Variants in RANBP3L observed in about 807,000 individuals in gnomAD.
RANBP3L encodes the protein ran-binding protein 3-like.
RANBP3L carries 56 observed loss-of-function variants against 67.2 expected under a neutral mutation model. That is an observed-to-expected ratio of 0.83 (90% CI 0.67 to 1.04). RANBP3L has a LOEUF of 1.04. Among genes scored for constraint, RANBP3L ranks in the 50% least tolerant of loss-of-function variants. The pLI is 0.00. For missense variants in RANBP3L, 496 were observed against 535.5 expected (o/e 0.93, Z 0.73); for synonymous variants, 164 against 181.4 (o/e 0.90, Z 0.77).
At position 36,247,099 on chromosome 5, in the gene RANBP3L, A is replaced by T. The variant is rs1217594422; in HGVS notation, c.*2555T>A. Among the ~76,000 whole-genome samples the T allele has an allele frequency of 1.3e-5, 2 of 152,218 alleles. No individual in the cohort carries two copies. The highest frequency in any genetic ancestry group is 4.8e-5 in the African/African-American group (2 of 41,458). On this transcript the variant is annotated 3_prime_UTR_variant, in exon 14 of 14. Coordinates refer to ENST00000296604, the MANE Select transcript of RANBP3L (RefSeq NM_145000.5). ...ATACTTCAAAATAATTTACCTAAATAACTTATGAAAATGGATGTTATTGTA... is the reference window on the plus strand; with the variant it reads ...ATACTTCAAAATAATTTACCTAAATTACTTATGAAAATGGATGTTATTGTA...
At chr5:36,274,766 G>C (rs1461236452) in intron 1 of RANBP3L, among the ~76,000 whole-genome samples, 2 of 152,098 alleles carry the variant, frequency 1.3e-5, no homozygotes, top group Non-Finnish European at 2.9e-5. Context: ...TGATGAAAGG[G>C]TATTGGGGGG....
chr5:36,253,847 C>A, intron 11 of RANBP3L, 58 bp from the exon 12 acceptor site: 1 of 1,509,984 alleles, frequency 6.6e-7, no homozygotes, highest in Non-Finnish European at 8.9e-7. Flanking sequence ...AGGAATTTAC[C>A]ATTTTCAAAA....
rs139144166 is a variant in RANBP3L at position 36,284,389 on chromosome 5, T to C, written c.92-13078A>G. On this transcript the variant is annotated intron_variant, in intron 1 of 13. Transcript: ENST00000296604. Reference sequence around the variant, plus strand: ...CTGACTTTTGAATATTTTGCTAGATTTGCCAACAGACTTCATTAAAAAGCA... The same window carrying C: ...CTGACTTTTGAATATTTTGCTAGATCTGCCAACAGACTTCATTAAAAAGCA... Among the ~76,000 whole-genome samples the C allele has an allele frequency of 6.1e-3, 922 of 152,330 alleles. 5 individuals are homozygous for C. Among genetic ancestry groups the C allele is most frequent in the Admixed American group, 0.012 (177 of 15,290 alleles).
chr5:36,294,572 A>G (rs993619062), intron 1 of RANBP3L, among the ~76,000 whole-genome samples: 37 of 151,724 alleles, frequency 2.4e-4, no homozygotes, highest in African/African-American at 8.5e-4. Context: ...CACTGCTTTG[A>G]ATGAGTCCCA....
intron 1 of RANBP3L, among the ~76,000 whole-genome samples, chr5:36,283,094 A>G (rs777959076): frequency 1.3e-5 from 2 of 152,114 alleles, no homozygotes; most frequent in Admixed American, 1.3e-4. Context: ...CTGTAAATTT[A>G]TCTATTTCTG....
At chr5:36,250,906 T>A (rs1197287079) in intron 13 of RANBP3L, among the ~76,000 whole-genome samples, 1 of 152,108 alleles carries the variant, frequency 6.6e-6, no homozygotes, top group Admixed American at 6.6e-5. Flanking sequence ...AGCAGTCAAA[T>A]TCTAAAAAGG....
Position 36,271,237 on chromosome 5 carries a change from A to T in RANBP3L, c.150+16T>A. On this transcript the variant is annotated intron_variant, in intron 2 of 13. Coordinates refer to ENST00000296604, the MANE Select transcript of RANBP3L (RefSeq NM_145000.5). Reference sequence around the variant, plus strand: ...TTTGTCAAAGTAAAATTGAACAAAGAAGTAGTCAATCTTACCTTAAAAGTT... The same window carrying T: ...TTTGTCAAAGTAAAATTGAACAAAGTAGTAGTCAATCTTACCTTAAAAGTT... The T allele has an allele frequency of 1.5e-6, 2 of 1,358,892 alleles. No individual in the cohort carries two copies. The highest frequency in any genetic ancestry group is 2.1e-6 in the Non-Finnish European group (2 of 949,940). The allele number at this position is 1,358,892 out of a possible 1,614,324, so 84.2% of individuals were successfully genotyped here.
At chr5:36,280,989 G>A (rs955578779) in intron 1 of RANBP3L, among the ~76,000 whole-genome samples, 1 of 152,084 alleles carries the variant, frequency 6.6e-6, no homozygotes, top group South Asian at 2.1e-4. Flanking sequence ...TTATGCCCTG[G>A]CATAATATAA....
intron 4 of RANBP3L, among the ~76,000 whole-genome samples, chr5:36,266,190 A>G (rs79774934): frequency 1.5e-3 from 227 of 152,260 alleles, no homozygotes; most frequent in African/African-American, 4.6e-3. Context: ...CTTATAGAAT[A>G]TTATAAAACT....
rs33974139 is a variant in RANBP3L, at chr5:36,290,224, C to CTTT, written c.91+11099_91+11101dup. On this transcript the variant is annotated intron_variant, in intron 1 of 13. Coordinates refer to ENST00000296604, the MANE Select transcript of RANBP3L (RefSeq NM_145000.5). ...GGTGGTTTCTCTCTCTCTGTCTCAC[C>CTTT]TTTTTTTTTTTTTCTTAGAGCCTCA... 6.6e-4 allele frequency among the ~76,000 whole-genome samples: 95 copies of CTTT among 143,996 alleles called. 2 individuals are homozygous for CTTT. Among genetic ancestry groups the CTTT allele is most frequent in the Non-Finnish European group, 8.1e-4 (54 of 66,602 alleles). The allele number at this position is 143,996 out of a possible 152,430, so 94.5% of individuals were successfully genotyped here.
At chr5:36,256,841 A>T (rs1451967570) in intron 10 of RANBP3L, 100 bp downstream of exon 10, 2 of 1,109,696 alleles carry the variant, frequency 1.8e-6, no homozygotes, top group African/African-American at 3.2e-5. Context: ...CTCCATGAAA[A>T]CTATACTTCT....
chr5:36,261,393 G>A (rs1749376864), intron 7 of RANBP3L, among the ~76,000 whole-genome samples: 1 of 152,028 alleles, frequency 6.6e-6, no homozygotes, highest in African/African-American at 2.4e-5. Context: ...CTCAGGGTTC[G>A]GCATTGCATC....
At chr5:36,270,467 T>A (rs1750126023) in intron 2 of RANBP3L, among the ~76,000 whole-genome samples, 1 of 152,104 alleles carries the variant, frequency 6.6e-6, no homozygotes, top group Non-Finnish European at 1.5e-5. Context: ...TACCAAGAAA[T>A]AAGGTAAAAT....
intron 1 of RANBP3L, 78 bp from the exon 2 acceptor site, chr5:36,271,389 CT>C (rs5867310): frequency 0.89 from 727,628 of 817,270 alleles, 329,389 homozygotes; most frequent in Non-Finnish European, 0.96. Flanking sequence ...TATTTGAAGA[CT>C]TTTTTTTTTG....
intron 4 of RANBP3L, 51 bp downstream of exon 4, chr5:36,269,339 C>T: frequency 9.5e-7 from 1 of 1,057,738 alleles, no homozygotes; most frequent in Non-Finnish European, 1.5e-6. Context: ...AGTAATTTTG[C>T]ATTCAGAATA....
chr5:36,291,216 T>C, intron 1 of RANBP3L, among the ~76,000 whole-genome samples: 1 of 152,078 alleles, frequency 6.6e-6, no homozygotes, highest in South Asian at 2.1e-4. Context: ...ATATCCTCAA[T>C]CCTTTCTGCC....
rs1748338875 is a variant in RANBP3L at position 36,246,996 on chromosome 5, T to G, written c.*2658A>C. On this transcript the variant is annotated 3_prime_UTR_variant, in exon 14 of 14. Coordinates refer to ENST00000296604, the MANE Select transcript of RANBP3L (RefSeq NM_145000.5). ...TTACTAAAAGAAAGTTAAGGTTGTC[T>G]TAACACAAGATATATAATGACATAA... 6.6e-6 allele frequency among the ~76,000 whole-genome samples: 1 copy of G among 152,230 alleles called. No homozygotes were observed. Among genetic ancestry groups the G allele is most frequent in the Admixed American group, 6.5e-5 (1 of 15,280 alleles).
At chr5:36,254,788 C>T (rs114162898) in intron 11 of RANBP3L, among the ~76,000 whole-genome samples, 3 of 152,192 alleles carry the variant, frequency 2.0e-5, no homozygotes, top group Non-Finnish European at 4.4e-5. Flanking sequence ...ATTCATCCTG[C>T]CCAGATCTCT....
In RANBP3L at chr5:36,251,286, T is replaced by C. The variant is rs1579664493; in HGVS notation, c.1354+27A>G. ...GCTTAAGAATTCTTTTTTAAACCTCTGAACTAACAAAACAAAAGCTATTTA... is the reference window on the plus strand; with the variant it reads ...GCTTAAGAATTCTTTTTTAAACCTCCGAACTAACAAAACAAAAGCTATTTA... On this transcript the variant is annotated intron_variant, in intron 13 of 13. Coordinates refer to ENST00000296604, the MANE Select transcript of RANBP3L (RefSeq NM_145000.5). 1.9e-6 allele frequency: 3 copies of C among 1,589,004 alleles called. No homozygotes were observed. The East Asian group carries it at 6.7e-5, about 36-fold the overall frequency.
Sources: allele counts gnomAD v4.1 joint callset (sites outside exome capture counted in the v4.1 genomes callset), GRCh38; gene constraint gnomAD v4.1.1; transcripts MANE v1.5; gene names NCBI Gene and HGNC (gene_info 2026-07-23, HGNC 2026-07-21).